Variants in CCDC57 observed in about 807,000 individuals in gnomAD.
CCDC57 encodes coiled-coil domain containing 57, also known as coiled-coil domain-containing protein 57.
Under a neutral mutation model 118.9 loss-of-function variants are expected in CCDC57, and 118 were observed. The ratio of observed to expected loss-of-function variants is 0.99; its 90% CI spans 0.86 to 1.16. CCDC57 has a LOEUF of 1.16. Among genes scored for constraint, CCDC57 ranks in the 50% most tolerant of loss-of-function variants. The pLI, the probability that CCDC57 is intolerant of heterozygous loss-of-function variation, is 0.00. For missense variants in CCDC57, 1,300 were observed against 1,320.7 expected (o/e 0.98, Z 0.24); for synonymous variants, 527 against 532.9 (o/e 0.99, Z 0.15).
At chr17:82,104,585 C>G (rs1350213036) in intron 19 of CCDC57, among the ~76,000 whole-genome samples, 1 of 152,222 alleles carries the variant, frequency 6.6e-6, no homozygotes, top group Non-Finnish European at 1.5e-5. Flanking sequence ...GTCGCCCAGG[C>G]TGGAGTGCAG....
intron 8 of CCDC57, 108 bp from the exon 8 acceptor site, chr17:82,184,040 CA>C (rs2146521601): frequency 2.0e-6 from 1 of 498,862 alleles, no homozygotes; most frequent in Non-Finnish European, 3.6e-6. Context: ...CGCACACACA[CA>C]CACACACACA....
intron 19 of CCDC57, among the ~76,000 whole-genome samples, chr17:82,115,308 AAGAGG>A (rs1397808092): frequency 8.2e-6 from 1 of 121,974 alleles, no homozygotes; most frequent in African/African-American, 3.0e-5. Flanking sequence ...AAGAGGGGGC[AAGAGG>A]GGGCGGCTTT....
chr17:82,108,436 G>A (rs56707403), intron 19 of CCDC57, among the ~76,000 whole-genome samples: 2,788 of 152,264 alleles, frequency 0.018, 91 homozygotes, highest in African/African-American at 0.064. Context: ...AGCAGGGTCC[G>A]CCGAAAGCCT....
rs558590324 is a variant in CCDC57 at position 82,137,862 on chromosome 17, C to T, written c.2456-3668G>A. Among the ~76,000 whole-genome samples, 24 of 151,124 alleles carry T rather than the reference C, an allele frequency of 1.6e-4. 1 individual carries two copies. The highest frequency in any genetic ancestry group is 2.8e-4 in the Non-Finnish European group (19 of 67,742). On this transcript the variant is annotated intron_variant, in intron 16 of 19. Transcript: ENST00000665763. ...CTAATTTTTGTATTTTTAGTAGACG[C>T]GGGGTTTCACCTTGTTGGCCAGGAT...
At chr17:82,119,588 G>T (rs1208265554) in intron 19 of CCDC57, among the ~76,000 whole-genome samples, 10 of 152,178 alleles carry the variant, frequency 6.6e-5, no homozygotes, top group African/African-American at 2.4e-4. Context: ...TGGGGGACAG[G>T]TCTCTTGGGC....
chr17:82,151,800 C>T, intron 15 of CCDC57, 27 bp from the exon 15 acceptor site: 2 of 1,535,768 alleles, frequency 1.3e-6, no homozygotes, highest in Non-Finnish European at 1.8e-6. Flanking sequence ...AGGCAGACAC[C>T]CCTGTGAGGC....
chr17:82,166,695 G>A (rs879661207), intron 13 of CCDC57, among the ~76,000 whole-genome samples: 3 of 152,016 alleles, frequency 2.0e-5, no homozygotes, highest in Non-Finnish European at 2.9e-5. Flanking sequence ...ATCAATTGAG[G>A]CCAGGAGTTC....
chr17:82,188,749 C>T lies in CCDC57; in HGVS notation c.852-330G>A, dbSNP rs962193316. 7.9e-5 allele frequency among the ~76,000 whole-genome samples: 12 copies of T among 152,096 alleles called. No individual in the cohort carries two copies. In the South Asian group the frequency reaches 1.4e-3, roughly 18 times the overall value. ...AGCACGGTTTGATCCGATCAACCTG[C>T]GAAAGCAAAAAAAGGTAGATGCACA... On this transcript the variant is annotated intron_variant, in intron 7 of 19. Coordinates refer to ENST00000665763, the Ensembl canonical transcript of CCDC57.
intron 16 of CCDC57, among the ~76,000 whole-genome samples, chr17:82,147,707 GGATA>G (rs1162956581): frequency 3.6e-4 from 51 of 141,328 alleles, no homozygotes; most frequent in Admixed American, 3.1e-3. Context: ...ATGGATGGAT[GGATA>G]GATAGGTGGG....
intron 13 of CCDC57, among the ~76,000 whole-genome samples, chr17:82,164,959 C>T (rs1315545376): frequency 6.6e-6 from 1 of 152,120 alleles, no homozygotes; most frequent in African/African-American, 2.4e-5. Context: ...CTCCCATGAA[C>T]ATTATGAGAA....
chr17:82,161,792 G>A (rs542372414), intron 14 of CCDC57, among the ~76,000 whole-genome samples: 33 of 152,230 alleles, frequency 2.2e-4, no homozygotes, highest in Admixed American at 6.5e-4. Context: ...TATCTGGGGT[G>A]GGGAGAAAAG....
chr17:82,164,403 C>CA (rs1289080839), intron 13 of CCDC57, among the ~76,000 whole-genome samples: 5 of 151,342 alleles, frequency 3.3e-5, no homozygotes, highest in South Asian at 2.1e-4. Flanking sequence ...AACAAACAAA[C>CA]AAAAAAACGC....
chr17:82,189,045 T>C (rs2047328468), intron 7 of CCDC57, among the ~76,000 whole-genome samples: 1 of 152,134 alleles, frequency 6.6e-6, no homozygotes, highest in Non-Finnish European at 1.5e-5. Flanking sequence ...GGCAGGTGGA[T>C]AGCTTGAGCC....
At chr17:82,158,999 C>A (rs2043005789) in intron 14 of CCDC57, among the ~76,000 whole-genome samples, 1 of 152,166 alleles carries the variant, frequency 6.6e-6, no homozygotes, top group Admixed American at 6.5e-5. Context: ...TCCTGAGTAG[C>A]TGGGACTACA....
At chr17:82,157,334 A>G in intron 15 of CCDC57, 1 of 575,598 alleles carries the variant, frequency 1.7e-6, no homozygotes. Context: ...GCCCCTCCCC[A>G]CGCAGGGAGG....
At chr17:82,181,416 C>T (rs1215310700) in intron 9 of CCDC57, among the ~76,000 whole-genome samples, 3 of 152,242 alleles carry the variant, frequency 2.0e-5, no homozygotes, top group Admixed American at 1.3e-4. Context: ...CCCACCTGCC[C>T]TCGCACTGAT....
chr17:82,171,791 T>C, exon 13 of CCDC57: 2 of 1,613,958 alleles, frequency 1.2e-6, no homozygotes, highest in Non-Finnish European at 1.7e-6. Context: ...TCTAGATGCT[T>C]TTCCAGAGTT....
chr17:82,211,624 C>T (rs909909389), intron 1 of CCDC57, among the ~76,000 whole-genome samples: 4 of 151,668 alleles, frequency 2.6e-5, no homozygotes, highest in South Asian at 2.1e-4. Context: ...CTTGGCTCTC[C>T]GCAACCTGCG....
intron 11 of CCDC57, among the ~76,000 whole-genome samples, chr17:82,177,258 C>T (rs2045639483): frequency 6.6e-6 from 1 of 152,138 alleles, no homozygotes. Context: ...TGCCTGTAAT[C>T]CCAGCTACTC....
Sources: allele counts gnomAD v4.1 joint callset (sites outside exome capture counted in the v4.1 genomes callset), GRCh38; gene constraint gnomAD v4.1.1; transcripts MANE v1.5; gene names NCBI Gene and HGNC (gene_info 2026-07-23, HGNC 2026-07-21).